Variants in GNAL observed in about 807,000 individuals in gnomAD.
GNAL encodes the protein G protein subunit alpha L.
Under a neutral mutation model 55.1 loss-of-function variants are expected in GNAL, and 18 were observed. The observed-to-expected ratio is 0.33, with a 90% CI of 0.23 to 0.48. The LOEUF (loss-of-function observed/expected upper bound fraction) is 0.48, where lower values mean the gene tolerates loss of function less well. GNAL is among the 20% of genes least tolerant of loss of function. GNAL has a pLI of 0.99. For synonymous variants in GNAL, 253 were observed against 237.0 expected (o/e 1.07, Z -0.62); for missense variants, 412 against 614.1 (o/e 0.67, Z 3.48).
At chr18:11,783,433 G>C (rs767705407) in intron 4 of GNAL, among the ~76,000 whole-genome samples, 1 of 152,100 alleles carries the variant, frequency 6.6e-6, no homozygotes, top group Non-Finnish European at 1.5e-5. Flanking sequence ...TTAGCTAATC[G>C]GAAGAAAAAA....
chr18:11,867,556 T>G (rs2143863738), intron 8 of GNAL, among the ~76,000 whole-genome samples: 1 of 152,084 alleles, frequency 6.6e-6, no homozygotes, highest in Non-Finnish European at 1.5e-5. Context: ...GGCTCATACC[T>G]GTAATCCCAG....
chr18:11,858,319 G>A (rs1042933535), intron 5 of GNAL, among the ~76,000 whole-genome samples: 2 of 152,158 alleles, frequency 1.3e-5, no homozygotes, highest in Admixed American at 1.3e-4. Context: ...TACAATGCAA[G>A]TGATTTTTTA....
intron 1 of GNAL, among the ~76,000 whole-genome samples, chr18:11,713,336 G>C (rs1598407305): frequency 6.6e-6 from 1 of 152,344 alleles, no homozygotes; most frequent in East Asian, 1.9e-4. Context: ...TGTTGGCGTG[G>C]GGAAGCTGTA....
intron 4 of GNAL, among the ~76,000 whole-genome samples, chr18:11,797,133 T>G (rs113948721): frequency 6.6e-6 from 1 of 152,190 alleles, no homozygotes; most frequent in South Asian, 2.1e-4. Flanking sequence ...GTTTTCGCCA[T>G]GTTGGCCAGG....
At chr18:11,849,759 C>T (rs2035816411) in intron 5 of GNAL, among the ~76,000 whole-genome samples, 1 of 152,044 alleles carries the variant, frequency 6.6e-6, no homozygotes, top group Non-Finnish European at 1.5e-5. Context: ...TACTGCTTTG[C>T]GGGGCAAAAA....
chr18:11,867,258 G>A, intron 8 of GNAL, 32 bp downstream of exon 8: 5 of 1,357,356 alleles, frequency 3.7e-6, no homozygotes, highest in Non-Finnish European at 5.3e-6. Flanking sequence ...AAGAAAATAG[G>A]AGTGAATTCT....
At chr18:11,874,686 C>T (rs1016078304) in intron 10 of GNAL, among the ~76,000 whole-genome samples, 8 of 148,906 alleles carry the variant, frequency 5.4e-5, no homozygotes, top group South Asian at 4.3e-4. Context: ...GGTACACGGA[C>T]ACTCTGGGCA....
intron 5 of GNAL, among the ~76,000 whole-genome samples, chr18:11,861,581 C>T (rs1383298318): frequency 6.6e-6 from 1 of 152,202 alleles, no homozygotes; most frequent in Non-Finnish European, 1.5e-5. Flanking sequence ...AAACGTGCAG[C>T]CTGGATAGAT....
intron 1 of GNAL, among the ~76,000 whole-genome samples, chr18:11,733,561 CA>C (rs2143450657): frequency 6.6e-6 from 1 of 152,302 alleles, no homozygotes; most frequent in East Asian, 1.9e-4. Flanking sequence ...CTGGATAAAG[CA>C]AATGTGGTAC....
chr18:11,700,582 C>G lies in GNAL; in HGVS notation c.376+10643C>G, dbSNP rs567414952. On this transcript the variant is annotated intron_variant, in intron 1 of 11. Transcript: ENST00000334049. ...CAAAATCTTCAAGGGTTAGACAGCT[C>G]TCTTCAACCCTTCCTGCTGTTATTT... is the stretch of plus-strand genomic sequence containing the variant. Among the ~76,000 whole-genome samples the G allele has an allele frequency of 2.6e-5, 4 of 152,368 alleles. No homozygotes were observed. The East Asian group carries it at 5.8e-4, about 22-fold the overall frequency.
intron 4 of GNAL, among the ~76,000 whole-genome samples, chr18:11,802,199 C>G (rs535926636): frequency 1.1e-4 from 16 of 152,190 alleles, no homozygotes; most frequent in African/African-American, 3.9e-4. Flanking sequence ...CCCGAAAATC[C>G]TTTTGCTGGC....
chr18:11,724,225 T>C (rs1048428582), intron 1 of GNAL, among the ~76,000 whole-genome samples: 1 of 152,220 alleles, frequency 6.6e-6, no homozygotes, highest in Non-Finnish European at 1.5e-5. Context: ...GATGCTGGCA[T>C]CTGCTCAGCC....
intron 4 of GNAL, chr18:11,810,765 T>G (rs1199630719): frequency 6.6e-6 from 1 of 152,504 alleles, no homozygotes; most frequent in Non-Finnish European, 1.5e-5. Context: ...TTCCTAGTCA[T>G]CTGTTGCCCT....
At chr18:11,772,670 C>A (rs72865283) in intron 4 of GNAL, among the ~76,000 whole-genome samples, 1 of 152,142 alleles carries the variant, frequency 6.6e-6, no homozygotes, top group African/African-American at 2.4e-5. Flanking sequence ...ATGTGCTGAC[C>A]TGGAGGCAAA....
At chr18:11,777,706 A>G (rs1186193659) in intron 4 of GNAL, among the ~76,000 whole-genome samples, 1 of 152,242 alleles carries the variant, frequency 6.6e-6, no homozygotes, top group Non-Finnish European at 1.5e-5. Flanking sequence ...TAGGTAAACT[A>G]GATGGGTATA....
rs557244440 is a variant in GNAL at position 11,881,936 on chromosome 18, A to G, written c.*801A>G. The G allele has an allele frequency of 6.5e-6, 1 of 152,760 alleles. No individual in the cohort carries two copies. The highest frequency in any genetic ancestry group is 1.5e-5 in the Non-Finnish European group (1 of 68,032). The allele number at this position is 152,760 out of a possible 1,614,324, so 9.5% of individuals were successfully genotyped here. On this transcript the variant is annotated 3_prime_UTR_variant, in exon 12 of 12. Coordinates refer to ENST00000334049, the MANE Select transcript of GNAL (RefSeq NM_182978.4). The surrounding 1 kb of genome is among the most constrained non-coding windows in gnomAD (Gnocchi z 4.8). ...CTTTGTGCCTTCACCATGGCTATCT[A>G]TACCTGTACATGAAATGTGTTTGTA...
rs1458314449 is a variant in GNAL at position 11,751,377 on chromosome 18, AGTT to A, written c.377-1470_377-1468del. 12 of 353,582 alleles carry A rather than the reference AGTT, an allele frequency of 3.4e-5. No individual in the cohort carries two copies. The highest frequency in any genetic ancestry group is 1.1e-4 in the South Asian group (1 of 8,826). The allele number at this position is 353,582 out of a possible 1,614,324, so 21.9% of individuals were successfully genotyped here. A position where few individuals can be genotyped will look rare whatever the true frequency, so the allele number is the denominator to read the frequency against. On this transcript the variant is annotated intron_variant, in intron 1 of 11. Transcript: ENST00000334049. This position sits in a 1 kb window ranked among gnomAD's most constrained non-coding sequence, Gnocchi z 4.5. Reference sequence around the variant, plus strand: ...TCGAGGCCACAGTGCCTTCTGGAAGAGTTGTTGTGCTGCTTGGGAGCACTGCAC... The same window carrying A: ...TCGAGGCCACAGTGCCTTCTGGAAGAGTTGTGCTGCTTGGGAGCACTGCAC...
At chr18:11,815,110 G>A (rs766598046) in intron 4 of GNAL, among the ~76,000 whole-genome samples, 2 of 152,142 alleles carry the variant, frequency 1.3e-5, no homozygotes, top group Non-Finnish European at 2.9e-5. Context: ...AAGTTAGCCA[G>A]AAGAGCAGAC....
chr18:11,736,262 G>A (rs1055081679), intron 1 of GNAL, among the ~76,000 whole-genome samples: 2 of 152,104 alleles, frequency 1.3e-5, no homozygotes, highest in Admixed American at 6.6e-5. Flanking sequence ...ATGCATGGTG[G>A]CACACACCTA....
Sources: gnomAD v4.1 joint callset for allele counts (sites outside exome capture counted in the v4.1 genomes callset) on GRCh38, gnomAD v4.1.1 for gene constraint, Gnocchi (gnomAD v3.1) non-coding constraint, MANE v1.5 for transcripts, NCBI Gene and HGNC (gene_info 2026-07-23, HGNC 2026-07-21) for gene names.